PHF21B: variants seen among roughly 807,000 people sequenced by gnomAD.
The protein encoded by PHF21B is PHD finger protein 4.
PHF21B carries 22 observed loss-of-function variants against 62.2 expected under a neutral mutation model. That is an observed-to-expected ratio of 0.35 (90% CI 0.25 to 0.51). PHF21B has a LOEUF of 0.51. Ranked by LOEUF, PHF21B falls within the 20% of genes least tolerant of loss-of-function variation. PHF21B has a pLI of 0.97. For missense variants in PHF21B, 701 were observed against 707.9 expected, an observed-to-expected ratio of 0.99 and a Z score of 0.11; for synonymous variants, 341 against 314.7, an observed-to-expected ratio of 1.08 and a Z score of -0.88.
chr22:44,949,572 A>G (rs1473697358), intron 2 of PHF21B, among the ~76,000 whole-genome samples: 1 of 152,200 alleles, frequency 6.6e-6, no homozygotes, highest in Non-Finnish European at 1.5e-5. Context: ...CGCACAAGTC[A>G]GCAAGTTTTG....
intron 12 of PHF21B, among the ~76,000 whole-genome samples, chr22:44,883,636 C>A (rs558961883): frequency 6.6e-6 from 1 of 152,132 alleles, no homozygotes; most frequent in African/African-American, 2.4e-5. Flanking sequence ...GCCTCGGAGG[C>A]CTTTGGCTTC....
At chr22:44,960,896 A>G (rs1263717594) in intron 2 of PHF21B, among the ~76,000 whole-genome samples, 1 of 151,016 alleles carries the variant, frequency 6.6e-6, no homozygotes, top group Admixed American at 6.6e-5. Flanking sequence ...CAGGGTCTCC[A>G]GCTTGCCCAC....
At chr22:44,963,521 G>A (rs772989694) in intron 2 of PHF21B, among the ~76,000 whole-genome samples, 6 of 152,194 alleles carry the variant, frequency 3.9e-5, no homozygotes, top group African/African-American at 7.2e-5. Context: ...AGCAACCCTC[G>A]TCATGGTCAT....
chr22:44,934,561 G>A (rs2071807669), intron 2 of PHF21B, among the ~76,000 whole-genome samples: 2 of 152,168 alleles, frequency 1.3e-5, no homozygotes, highest in Non-Finnish European at 2.9e-5. Flanking sequence ...CTGGGAACGG[G>A]CAGGTGTCAG....
intron 5 of PHF21B, among the ~76,000 whole-genome samples, chr22:44,906,472 C>T (rs1016526152): frequency 7.2e-5 from 11 of 152,140 alleles, no homozygotes; most frequent in African/African-American, 2.4e-4. Flanking sequence ...CAGAGAGGTG[C>T]GGGGCTGGGA....
chr22:44,969,288 T>C (rs1374275319), intron 2 of PHF21B: 2 of 152,270 alleles, frequency 1.3e-5, no homozygotes, highest in Admixed American at 6.5e-5. Flanking sequence ...CCTCAAGCTC[T>C]TAGACTGAGG....
chr22:44,925,746 A>T (rs1038459998), intron 2 of PHF21B, among the ~76,000 whole-genome samples: 11 of 151,844 alleles, frequency 7.2e-5, no homozygotes, highest in African/African-American at 2.7e-4. Context: ...GCCTCCCCTA[A>T]TGCATGTCTC....
intron 2 of PHF21B, among the ~76,000 whole-genome samples, chr22:44,932,243 G>A (rs1364956811): frequency 6.6e-6 from 1 of 152,216 alleles, no homozygotes; most frequent in African/African-American, 2.4e-5. Context: ...GGCAGATTGG[G>A]GGGCGAATGC....
intron 2 of PHF21B, among the ~76,000 whole-genome samples, chr22:44,952,750 A>G (rs569505359): frequency 6.6e-6 from 1 of 152,354 alleles, no homozygotes; most frequent in African/African-American, 2.4e-5. Flanking sequence ...TCATTTTTGA[A>G]GAGCTATAAT....
At chr22:44,922,585 T>C (rs2071557206) in intron 2 of PHF21B, among the ~76,000 whole-genome samples, 1 of 150,082 alleles carries the variant, frequency 6.7e-6, no homozygotes, top group Non-Finnish European at 1.5e-5. Context: ...TGAGCCGAGA[T>C]CACACCACTG....
intron 5 of PHF21B, chr22:44,901,766 T>A (rs1601581805): frequency 3.1e-6 from 1 of 319,038 alleles, no homozygotes; most frequent in East Asian, 6.4e-5. Context: ...TGCTACATAT[T>A]CCAGAAAGGC....
intron 2 of PHF21B, among the ~76,000 whole-genome samples, chr22:44,953,140 G>A (rs1398828308): frequency 6.6e-6 from 1 of 152,190 alleles, no homozygotes; most frequent in East Asian, 1.9e-4. Context: ...TGAGCCAGAA[G>A]GAGAAGGTCC....
At position 44,882,784 on chromosome 22, in the gene PHF21B, C is replaced by T; in HGVS notation, c.*302G>A. On this transcript the variant is annotated 3_prime_UTR_variant, in exon 13 of 13. Coordinates refer to ENST00000313237, the MANE Select transcript of PHF21B (RefSeq NM_138415.5). ...CGGGCCAGAGGGAGGCCGTGGAGAG[C>T]AGGGCCTGGAAGCCAGAGGCCCAGG... The T allele has an allele frequency of 2.9e-6, 1 of 342,716 alleles. No individual in the cohort carries two copies. The highest frequency in any genetic ancestry group is 5.3e-6 in the Non-Finnish European group (1 of 187,082). The allele number at this position is 342,716 out of a possible 1,614,324, so 21.2% of individuals were successfully genotyped here. A position where few individuals can be genotyped will look rare whatever the true frequency, so the allele number is the denominator to read the frequency against.
rs73429710 is a variant in PHF21B, at chr22:44,993,949, T to C, written c.120+14596A>G. 9.9e-3 allele frequency among the ~76,000 whole-genome samples: 1,502 copies of C among 152,228 alleles called. 26 individuals carry two copies. The highest frequency in any genetic ancestry group is 0.035 in the African/African-American group (1,458 of 41,488). Reference sequence around the variant, plus strand: ...TTTCTGAGATGGTCCTGATTTCAGATATTCAAACCACCTGCCCAGTCACAG... The same window carrying C: ...TTTCTGAGATGGTCCTGATTTCAGACATTCAAACCACCTGCCCAGTCACAG... On this transcript the variant is annotated intron_variant, in intron 2 of 12. Coordinates refer to ENST00000313237, the MANE Select transcript of PHF21B (RefSeq NM_138415.5).
In PHF21B at chr22:44,889,753, C is replaced by T; in HGVS notation, c.1038+7G>A. On this transcript the variant is annotated splice_region_variant and intron_variant, in intron 9 of 12. Coordinates refer to ENST00000313237, the MANE Select transcript of PHF21B (RefSeq NM_138415.5). ...GAAGTGTGAAGACGGAGGGAGGGGA[C>T]ACGTACCTTCCAGCAGGGGTCCTCA... 1.9e-6 allele frequency: 3 copies of T among 1,578,040 alleles called. No homozygotes were observed. The highest frequency in any genetic ancestry group is 2.6e-6 in the Non-Finnish European group (3 of 1,166,384).
chr22:45,009,172 C>A lies in PHF21B; in HGVS notation c.54+324G>T. ...GGCCGGAAGGGGGCCTATTCGCACTCCCCTCCCCGGGACCGGCTCACGAAG... is the reference window on the plus strand; with the variant it reads ...GGCCGGAAGGGGGCCTATTCGCACTACCCTCCCCGGGACCGGCTCACGAAG... On this transcript the variant is annotated intron_variant, in intron 1 of 12. Coordinates refer to ENST00000313237, the MANE Select transcript of PHF21B (RefSeq NM_138415.5). This position sits in a 1 kb window ranked among gnomAD's most constrained non-coding sequence, Gnocchi z 5.9. 2.2e-6 allele frequency: 1 copy of A among 448,926 alleles called. No homozygotes were observed. Among genetic ancestry groups the A allele is most frequent in the Non-Finnish European group, 3.5e-6 (1 of 285,568 alleles). 27.8% of individuals were successfully genotyped at this position (448,926 alleles called of 1,614,324 possible).
At chr22:44,975,482 C>T (rs978071504) in intron 2 of PHF21B, among the ~76,000 whole-genome samples, 2 of 152,234 alleles carry the variant, frequency 1.3e-5, no homozygotes, top group Non-Finnish European at 2.9e-5. Context: ...CACATGGAGT[C>T]CCCTCATGAG....
Position 44,920,415 on chromosome 22 carries a change from C to G in PHF21B, c.196G>C (p.Ala66Pro). The change falls in exon 3 of 13, where the codon GCG becomes CCG. Residue 66 changes from alanine to proline, a missense_variant. Coordinates refer to ENST00000313237, the MANE Select transcript of PHF21B (RefSeq NM_138415.5). ...SSLQRLAGQG[A>P]AVLPQVRPKT... ...CTGCTTACCTGAGGTAGCACTGCCG[C>G]TCCTTGCCCGGCCAACCTCTGCAAG... 6.2e-7 allele frequency: 1 copy of G among 1,611,850 alleles called. No homozygotes were observed. The highest frequency in any genetic ancestry group is 8.5e-7 in the Non-Finnish European group (1 of 1,178,802).
intron 2 of PHF21B, chr22:44,971,326 ATTCT>A (rs1237876964): frequency 6.6e-6 from 1 of 152,056 alleles, no homozygotes; most frequent in Non-Finnish European, 1.5e-5. Context: ...CCTCCCTTGA[ATTCT>A]TTCTGCCATG....
Sources: gnomAD v4.1 joint callset for allele counts (sites outside exome capture counted in the v4.1 genomes callset) on GRCh38, gnomAD v4.1.1 for gene constraint, Gnocchi (gnomAD v3.1) non-coding constraint, MANE v1.5 for transcripts, NCBI Gene and HGNC (gene_info 2026-07-23, HGNC 2026-07-21) for gene names.